RAD51B: variants seen among roughly 807,000 people sequenced by gnomAD.
RAD51B encodes DNA repair protein RAD51 homolog 2.
Under a neutral mutation model 42.2 loss-of-function variants are expected in RAD51B, and 38 were observed. The observed-to-expected ratio is 0.90, with a 90% CI of 0.70 to 1.18. The LOEUF (loss-of-function observed/expected upper bound fraction) is 1.18. Among genes scored for constraint, RAD51B ranks in the 50% most tolerant of loss-of-function variants. RAD51B has a pLI of 0.00. For synonymous variants in RAD51B, 154 were observed against 145.2 expected (o/e 1.06, Z -0.43); for missense variants, 373 against 400.7 (o/e 0.93, Z 0.59).
intron 7 of RAD51B, among the ~76,000 whole-genome samples, chr14:68,199,416 G>T (rs910360468): frequency 6.6e-6 from 1 of 152,136 alleles, no homozygotes; most frequent in African/African-American, 2.4e-5. Context: ...CTTTCATCCT[G>T]AACTTAGGCC....
chr14:68,640,547 T>G (rs1451786297), intron 10 of RAD51B, among the ~76,000 whole-genome samples: 1 of 152,206 alleles, frequency 6.6e-6, no homozygotes, highest in African/African-American at 2.4e-5. Flanking sequence ...AAATTCCTGC[T>G]CTCAAGAAGC....
At chr14:67,843,886 G>T (rs1466532606) in intron 4 of RAD51B, among the ~76,000 whole-genome samples, 1 of 150,680 alleles carries the variant, frequency 6.6e-6, no homozygotes, top group Non-Finnish European at 1.5e-5. Flanking sequence ...CTTATCTTCT[G>T]CTAGCTTTGG....
At chr14:68,208,766 C>T (rs945683287) in intron 7 of RAD51B, among the ~76,000 whole-genome samples, 52 of 152,170 alleles carry the variant, frequency 3.4e-4, no homozygotes, top group African/African-American at 1.2e-3. Flanking sequence ...TGTGGCTGCA[C>T]CATACATTAC....
intron 11 of RAD51B, among the ~76,000 whole-genome samples, chr14:68,656,003 T>A (rs898405667): frequency 6.6e-6 from 1 of 152,162 alleles, no homozygotes; most frequent in Non-Finnish European, 1.5e-5. Flanking sequence ...CATCCATCCA[T>A]CTGATATCTG....
At chr14:68,504,494 G>C (rs570371934) in intron 10 of RAD51B, among the ~76,000 whole-genome samples, 16 of 152,172 alleles carry the variant, frequency 1.1e-4, no homozygotes, top group Non-Finnish European at 2.2e-4. Flanking sequence ...CAGACAATCA[G>C]TGCCTCTGAT....
intron 7 of RAD51B, among the ~76,000 whole-genome samples, chr14:68,071,020 A>G (rs67566613): frequency 0.27 from 40,988 of 151,840 alleles, 7,388 homozygotes; most frequent in African/African-American, 0.52. Flanking sequence ...TGTATTCCTA[A>G]GTATTTTGGT....
chr14:67,842,465 C>T (rs1166837583), intron 4 of RAD51B, among the ~76,000 whole-genome samples: 10 of 152,090 alleles, frequency 6.6e-5, no homozygotes, highest in African/African-American at 2.4e-4. Context: ...TGCAACCTCA[C>T]CTCCTCACCT....
At chr14:68,293,008 C>A (rs564442024) in intron 8 of RAD51B, among the ~76,000 whole-genome samples, 2 of 152,122 alleles carry the variant, frequency 1.3e-5, no homozygotes, top group African/African-American at 4.8e-5. Context: ...TACTTCTTTC[C>A]GCATGTATCT....
In RAD51B at chr14:68,078,868, T is replaced by C. The variant is rs150855274; in HGVS notation, c.756+191664T>C. Among the ~76,000 whole-genome samples the C allele has an allele frequency of 3.0e-3, 450 of 152,256 alleles. 2 individuals are homozygous for C. The highest frequency in any genetic ancestry group is 0.01 in the African/African-American group (432 of 41,528). On this transcript the variant is annotated intron_variant, in intron 7 of 10. Transcript: ENST00000471583. ...AGTTGGGTGTGATAGCTTGTGCCTG[T>C]AGTCCCAGCTATTCAGGAGGTTGTG...
At chr14:68,008,628 G>T (rs2075631388) in intron 7 of RAD51B, among the ~76,000 whole-genome samples, 1 of 151,976 alleles carries the variant, frequency 6.6e-6, no homozygotes, top group Non-Finnish European at 1.5e-5. Context: ...TTATTATGGT[G>T]CAGTGAGACC....
At chr14:67,940,358 G>A (rs967406922) in intron 7 of RAD51B, among the ~76,000 whole-genome samples, 4 of 151,818 alleles carry the variant, frequency 2.6e-5, no homozygotes, top group Non-Finnish European at 5.9e-5. Flanking sequence ...GATTACAGGC[G>A]TGAGCCACCG....
chr14:68,104,657 A>G (rs902357514), intron 7 of RAD51B, among the ~76,000 whole-genome samples: 1 of 152,128 alleles, frequency 6.6e-6, no homozygotes, highest in African/African-American at 2.4e-5. Flanking sequence ...ATCTCCAGAC[A>G]TTGTTGACAT....
At chr14:68,567,351 T>C (rs1029288258) in intron 10 of RAD51B, among the ~76,000 whole-genome samples, 1 of 152,122 alleles carries the variant, frequency 6.6e-6, no homozygotes, top group African/African-American at 2.4e-5. Flanking sequence ...TTTAGGTTCA[T>C]AGCAAAATAC....
At chr14:67,920,513 A>T (rs2044288774) in intron 7 of RAD51B, among the ~76,000 whole-genome samples, 1 of 152,202 alleles carries the variant, frequency 6.6e-6, no homozygotes. Context: ...TCATTTGGCC[A>T]GTTAATATAT....
At chr14:68,488,602 C>G (rs1270282430) in intron 10 of RAD51B, among the ~76,000 whole-genome samples, 1 of 152,200 alleles carries the variant, frequency 6.6e-6, no homozygotes, top group Non-Finnish European at 1.5e-5. Context: ...CAGTAAGAAT[C>G]CTGCCATGTC....
At chr14:68,298,533 GT>G (rs2081656974) in intron 8 of RAD51B, among the ~76,000 whole-genome samples, 1 of 152,170 alleles carries the variant, frequency 6.6e-6, no homozygotes, top group Non-Finnish European at 1.5e-5. Flanking sequence ...TTTAAAAGTA[GT>G]TTCCCCTCAC....
intron 7 of RAD51B, among the ~76,000 whole-genome samples, chr14:68,104,743 G>T (rs535828067): frequency 6.6e-6 from 1 of 152,210 alleles, no homozygotes; most frequent in African/African-American, 2.4e-5. Flanking sequence ...AGAAATCCAC[G>T]ATAGACTTCA....
chr14:68,587,744 G>C (rs543115006), intron 10 of RAD51B, among the ~76,000 whole-genome samples: 1 of 152,318 alleles, frequency 6.6e-6, no homozygotes, highest in South Asian at 2.1e-4. Context: ...CTGATGTTGG[G>C]TTTTTAACAC....
chr14:67,920,294 A>AT, intron 7 of RAD51B, among the ~76,000 whole-genome samples: 2 of 152,086 alleles, frequency 1.3e-5, no homozygotes, highest in Non-Finnish European at 2.9e-5. Context: ...TTCTTGTTGA[A>AT]TTTTTTTCAA....
Sources: allele counts gnomAD v4.1 joint callset (sites outside exome capture counted in the v4.1 genomes callset), GRCh38; gene constraint gnomAD v4.1.1; transcripts MANE v1.5; gene names NCBI Gene and HGNC (gene_info 2026-07-23, HGNC 2026-07-21).